The following LTBP2 variants were observed in gnomAD, a reference collection of about 807,000 sequenced individuals.
LTBP2 encodes the protein latent-transforming growth factor beta-binding protein 2.
LTBP2 carries 103 observed loss-of-function variants against 210.6 expected under a neutral mutation model. The observed-to-expected ratio is 0.49, with a 90% CI of 0.42 to 0.58. LTBP2 has a LOEUF of 0.58. Ranked by LOEUF, LTBP2 falls within the 20% of genes least tolerant of loss-of-function variation. The pLI is 0.00. For synonymous variants in LTBP2, 1,007 were observed against 1,015.0 expected (o/e 0.99, Z 0.15); for missense variants, 2,313 against 2,494.5 (o/e 0.93, Z 1.55).
chr14:74,597,820 C>T (rs1376844672), intron 2 of LTBP2, among the ~76,000 whole-genome samples: 1 of 152,192 alleles, frequency 6.6e-6, no homozygotes, highest in East Asian at 1.9e-4. Flanking sequence ...ACTTCAGAGT[C>T]CCCACTGGCT....
In LTBP2 at chr14:74,508,888, G is replaced by A. The variant is rs370447827; in HGVS notation, c.3468C>T (p.Gly1156=). 3.1e-4 allele frequency: 499 copies of A among 1,613,796 alleles called. 5 individuals are homozygous for A. In the South Asian group the frequency reaches 4.1e-3, roughly 13 times the overall value. Reference sequence around the variant, plus strand: ...CCTGGGGACAGAGGCACTGGTAGGAGCCCACAGTGTTCTTGCACTCGCCTC... The same window carrying A: ...CCTGGGGACAGAGGCACTGGTAGGAACCCACAGTGTTCTTGCACTCGCCTC... ...CLGGECKNTV[G]SYQCLCPQGF... The change falls in exon 23 of 36, where the codon GGC becomes GGT. Residue 1156 remains glycine (G), a synonymous_variant. Transcript: ENST00000261978.
At chr14:74,539,186 G>A (rs185100300) in intron 8 of LTBP2, among the ~76,000 whole-genome samples, 33 of 152,346 alleles carry the variant, frequency 2.2e-4, no homozygotes, top group East Asian at 1.7e-3. Flanking sequence ...GGCAGGGACC[G>A]TCATCCCCAT....
At chr14:74,519,929 C>T (rs2087180906) in intron 17 of LTBP2, among the ~76,000 whole-genome samples, 1 of 152,232 alleles carries the variant, frequency 6.6e-6, no homozygotes, top group Admixed American at 6.5e-5. Context: ...AGCCTCTCTC[C>T]TGGCTCCTCC....
chr14:74,507,817 C>T (rs1222399239), intron 25 of LTBP2, among the ~76,000 whole-genome samples, 156 bp downstream of exon 25: 1 of 152,208 alleles, frequency 6.6e-6, no homozygotes, highest in Non-Finnish European at 1.5e-5. Flanking sequence ...TTTTGTCATC[C>T]TTGGACAGCC....
chr14:74,503,023 T>TG (rs2086931726), intron 33 of LTBP2, 89 bp from the exon 34 acceptor site: 1 of 1,547,848 alleles, frequency 6.5e-7, no homozygotes. Flanking sequence ...ATGCAAGGAC[T>TG]GGTACCCTCT....
rs745904316 is a variant in LTBP2 at position 74,505,070 on chromosome 14, C to T, written c.4282G>A (p.Gly1428Ser). ...KGHAPCSSVLGRNTTQAECCC... is the reference protein window; with the variant it reads ...KGHAPCSSVLSRNTTQAECCC... ...CATTCAGCCTGTGTGGTGTTCCGGC[C>T]CAGGACACTGGAGCAGGGCGCATGG... The change falls in exon 29 of 36, where the codon GGC becomes AGC. Residue 1428 changes from glycine (G) to serine (S), a missense_variant. Physicochemically the swap from Gly to Ser is moderately conservative, Grantham distance 56 (BLOSUM62 0). Around this residue, in one of 3 missense-constraint regions of LTBP2, gnomAD observed 1,867 missense variants for 1,976.9 expected, o/e 0.94. Coordinates refer to ENST00000261978, the MANE Select transcript of LTBP2 (RefSeq NM_000428.3). The T allele has an allele frequency of 9.9e-6, 16 of 1,614,022 alleles. No individual in the cohort carries two copies. In the South Asian group the frequency reaches 1.4e-4, roughly 14 times the overall value.
chr14:74,576,987 A>G (rs1305085857), intron 3 of LTBP2, among the ~76,000 whole-genome samples: 2 of 152,152 alleles, frequency 1.3e-5, no homozygotes, highest in African/African-American at 2.4e-5. Flanking sequence ...ACAGAAAGGG[A>G]CATTAATGCT....
chr14:74,556,672 A>G (rs1247734119), intron 3 of LTBP2, among the ~76,000 whole-genome samples: 2 of 151,352 alleles, frequency 1.3e-5, no homozygotes, highest in Non-Finnish European at 2.9e-5. Flanking sequence ...GCCCGCCACC[A>G]CTCCTGGTTA....
At chr14:74,504,367 G>A (rs1595238306) in intron 30 of LTBP2, among the ~76,000 whole-genome samples, 1 of 152,340 alleles carries the variant, frequency 6.6e-6, no homozygotes, top group Admixed American at 6.5e-5. Context: ...GCTGAGGGGC[G>A]CAGTACCTGG....
rs1398025399 is a variant in LTBP2, at chr14:74,549,976, A to G, written c.1687-11T>C. The G allele has an allele frequency of 1.3e-6, 2 of 1,578,190 alleles. No individual in the cohort carries two copies. Among genetic ancestry groups the G allele is most frequent in the Non-Finnish European group, 1.7e-6 (2 of 1,147,288 alleles). On this transcript the variant is annotated splice_polypyrimidine_tract_variant and intron_variant, in intron 7 of 35. Transcript: ENST00000261978. ...CAGAGGGTTGGCACACTGGAAGGAGAGGCCATGGACACCTGTGACCACCCC... is the reference window on the plus strand; with the variant it reads ...CAGAGGGTTGGCACACTGGAAGGAGGGGCCATGGACACCTGTGACCACCCC...
In LTBP2 at chr14:74,611,630, C is replaced by G. The variant is rs1449857109; in HGVS notation, c.315G>C (p.Arg105Ser). The G allele has an allele frequency of 2.6e-6, 4 of 1,557,486 alleles. No homozygotes were observed. In the African/African-American group the frequency reaches 4.1e-5, roughly 16 times the overall value. The change falls in exon 1 of 36, where the codon AGG becomes AGC. Residue 105 changes from arginine to serine, a missense_variant. Arg to Ser is a moderately radical substitution (Grantham distance 110, BLOSUM62 -1). Around this residue, in one of 3 missense-constraint regions of LTBP2, gnomAD observed 1,867 missense variants for 1,976.9 expected, o/e 0.94. Coordinates refer to ENST00000261978, the MANE Select transcript of LTBP2 (RefSeq NM_000428.3). ...GCCGCGACTGCTGCGCGCGGGACGG[C>G]CTCCTGGCCTCCGCCTCGGTGGGCC... ...PRRPTEAEAR[R>S]PSRAQQSRRV...
chr14:74,566,163 T>C (rs543662918), intron 3 of LTBP2, among the ~76,000 whole-genome samples: 50 of 152,208 alleles, frequency 3.3e-4, no homozygotes, highest in Non-Finnish European at 5.1e-4. Flanking sequence ...AAATTAAGTA[T>C]ATTGATATTT....
At chr14:74,507,791 A>C (rs1469287085) in intron 25 of LTBP2, among the ~76,000 whole-genome samples, 182 bp downstream of exon 25, 1 of 152,244 alleles carries the variant, frequency 6.6e-6, no homozygotes, top group Non-Finnish European at 1.5e-5. Flanking sequence ...CAGCACGAAG[A>C]TGATGATTGT....
chr14:74,522,016 G>A lies in LTBP2; in HGVS notation c.2683C>T (p.Pro895Ser). 6.2e-7 allele frequency: 1 copy of A among 1,613,602 alleles called. No individual in the cohort carries two copies. Among genetic ancestry groups the A allele is most frequent in the Non-Finnish European group, 8.5e-7 (1 of 1,179,746 alleles). The stretch of plus-strand genomic sequence containing the variant: ...ATGCAGCGCCCTTTTCCCTTGCAGG[G>A]GTCCCTCAGACACTCGTTGTCATCT... ...CTDDNECLRDPCKGKGRCINR... is the reference protein window; with the variant it reads ...CTDDNECLRDSCKGKGRCINR... The change falls in exon 17 of 36, where the codon CCC (proline) becomes TCC (serine). Residue 895 changes from proline (P) to serine (S), a missense_variant. This residue lies in a region of LTBP2 where 1,867 missense variants were observed against 1,976.9 expected (regional missense o/e 0.94). Coordinates refer to ENST00000261978, the MANE Select transcript of LTBP2 (RefSeq NM_000428.3).
rs1266982643 is a variant in LTBP2, at chr14:74,540,911, T to A, written c.1790-4911A>T. Reference sequence around the variant, plus strand: ...ATTATATATTAAAAATATATATATTTAAAATATATATAGGTTATATATATA... The same window carrying A: ...ATTATATATTAAAAATATATATATTAAAAATATATATAGGTTATATATATA... On this transcript the variant is annotated intron_variant, in intron 8 of 35. Coordinates refer to ENST00000261978, the MANE Select transcript of LTBP2 (RefSeq NM_000428.3). 9.7e-5 allele frequency among the ~76,000 whole-genome samples: 9 copies of A among 92,530 alleles called. 1 individual carries two copies. In the South Asian group the frequency reaches 2.1e-3, roughly 22 times the overall value. 60.7% of individuals were successfully genotyped at this position (92,530 alleles called of 152,430 possible).
chr14:74,542,192 G>A (rs964331480), intron 8 of LTBP2, among the ~76,000 whole-genome samples: 4 of 152,186 alleles, frequency 2.6e-5, no homozygotes, highest in Non-Finnish European at 5.9e-5. Context: ...TAAGGACATC[G>A]GGACATATGG....
At chr14:74,592,165 C>T (rs748537330) in intron 2 of LTBP2, among the ~76,000 whole-genome samples, 1 of 152,198 alleles carries the variant, frequency 6.6e-6, no homozygotes, top group African/African-American at 2.4e-5. Flanking sequence ...GATTTCAAAA[C>T]TTAAATATCC....
rs2086897393 is a variant in LTBP2 at position 74,500,538 on chromosome 14, C to T, written c.*346G>A. ...GATTGTGGCTGGAAAGGGGTGTCTG[C>T]AGTGTGAGGCCATGGGGCCTTGCAT... On this transcript the variant is annotated 3_prime_UTR_variant, in exon 36 of 36. Transcript: ENST00000261978. The T allele has an allele frequency of 2.2e-6, 1 of 459,714 alleles. No individual in the cohort carries two copies. Among genetic ancestry groups the T allele is most frequent in the South Asian group, 2.1e-5 (1 of 46,666 alleles). 28.5% of individuals were successfully genotyped at this position (459,714 alleles called of 1,614,324 possible).
chr14:74,581,381 G>A (rs2088134274), intron 3 of LTBP2, among the ~76,000 whole-genome samples: 1 of 152,168 alleles, frequency 6.6e-6, no homozygotes, highest in Admixed American at 6.5e-5. Context: ...GGATTATCTT[G>A]GTGGGCCCAG....
Sources: allele counts gnomAD v4.1 joint callset (sites outside exome capture counted in the v4.1 genomes callset), GRCh38; gene constraint gnomAD v4.1.1; regional missense constraint gnomAD v4.1.1; transcripts MANE v1.5; gene names NCBI Gene and HGNC (gene_info 2026-07-23, HGNC 2026-07-21).